CNTLN: variants seen among roughly 807,000 people sequenced by gnomAD.
The protein encoded by CNTLN is centlein, centrosomal protein.
In CNTLN, 212 loss-of-function variants were observed where a neutral mutation model predicts 180.0. That is an observed-to-expected ratio of 1.18 (90% CI 1.05 to 1.32). The LOEUF is 1.32. Among genes scored for constraint, CNTLN ranks in the 40% most tolerant of loss-of-function variants. The probability of loss-of-function intolerance (pLI) is 0.00; values close to 1 mark genes in which losing one functional copy is unlikely to be tolerated. For synonymous variants in CNTLN, 722 were observed against 563.1 expected, an observed-to-expected ratio of 1.28 and a Z score of -3.99; for missense variants, 2,095 against 1,610.9, an observed-to-expected ratio of 1.30 and a Z score of -5.14.
At chr9:17,428,093 C>T (rs1035989620) in intron 18 of CNTLN, among the ~76,000 whole-genome samples, 1 of 152,128 alleles carries the variant, frequency 6.6e-6, no homozygotes. Flanking sequence ...TTAGATCACC[C>T]TTGTTCAAGG....
Position 17,178,397 on chromosome 9 carries a change from C to T in CNTLN, c.449+35021C>T, listed in dbSNP as rs191535782. Among the ~76,000 whole-genome samples the T allele has an allele frequency of 1.6e-3, 251 of 152,338 alleles. 1 individual carries two copies. The highest frequency in any genetic ancestry group is 5.6e-3 in the African/African-American group (234 of 41,592). On this transcript the variant is annotated intron_variant, in intron 2 of 25. Coordinates refer to ENST00000380647, the MANE Select transcript of CNTLN (RefSeq NM_017738.4). ...CGCAGGTGGAGCTGCCTGCTAGTCC[C>T]GTGCCCTGTGCCCGCACTCCTCAGC...
chr9:17,191,948 TC>T (rs1055496643), intron 2 of CNTLN, among the ~76,000 whole-genome samples: 4 of 152,148 alleles, frequency 2.6e-5, no homozygotes, highest in African/African-American at 9.6e-5. Flanking sequence ...TGCTGATTGA[TC>T]CTTACAGGTG....
At chr9:17,316,634 T>G (rs192167848) in intron 8 of CNTLN, among the ~76,000 whole-genome samples, 7 of 152,250 alleles carry the variant, frequency 4.6e-5, no homozygotes, top group Admixed American at 3.9e-4. Context: ...CCATTTTAAG[T>G]CAAGGGCTGT....
the CNTLN span, among the ~76,000 whole-genome samples, chr9:17,526,407 C>A: frequency 6.6e-6 from 1 of 152,146 alleles, no homozygotes; most frequent in Non-Finnish European, 1.5e-5. Flanking sequence ...AAAAAACTGA[C>A]AAATTATAAA....
At chr9:17,198,424 TAATCAG>T (rs1554653589) in intron 2 of CNTLN, among the ~76,000 whole-genome samples, 1 of 150,242 alleles carries the variant, frequency 6.7e-6, no homozygotes, top group African/African-American at 2.4e-5. Flanking sequence ...TCAGTTTCTT[TAATCAG>T]TGTTCTATAG....
chr9:17,165,833 ATTC>A (rs1318939182), intron 2 of CNTLN, among the ~76,000 whole-genome samples: 1 of 152,194 alleles, frequency 6.6e-6, no homozygotes, highest in African/African-American at 2.4e-5. Context: ...AGACAAAATA[ATTC>A]TTCTCTGGAG....
intron 2 of CNTLN, among the ~76,000 whole-genome samples, chr9:17,144,512 T>G (rs1296962706): frequency 1.3e-5 from 2 of 152,136 alleles, no homozygotes; most frequent in African/African-American, 4.8e-5. Flanking sequence ...TTGTTATTTT[T>G]TAAAACTTTC....
chr9:17,398,107 G>A (rs376274932), intron 15 of CNTLN, among the ~76,000 whole-genome samples: 50 of 152,180 alleles, frequency 3.3e-4, no homozygotes, highest in African/African-American at 1.2e-3. Flanking sequence ...TAGTTGAATA[G>A]TATTTACAAG....
intron 5 of CNTLN, among the ~76,000 whole-genome samples, chr9:17,243,021 G>A (rs1465482743): frequency 2.0e-5 from 3 of 152,090 alleles, no homozygotes; most frequent in Non-Finnish European, 4.4e-5. Context: ...ACCTGTTATT[G>A]ATCTGTTCAG....
At chr9:17,496,816 C>G (rs1195286673) in intron 25 of CNTLN, among the ~76,000 whole-genome samples, 2 of 152,118 alleles carry the variant, frequency 1.3e-5, no homozygotes, top group Non-Finnish European at 2.9e-5. Flanking sequence ...CATGAAGGAG[C>G]ATACAAGGAA....
At chr9:17,520,606 C>T in the CNTLN span, among the ~76,000 whole-genome samples, 1 of 152,172 alleles carries the variant, frequency 6.6e-6, no homozygotes, top group African/African-American at 2.4e-5. Flanking sequence ...AAATGCAATC[C>T]AGCATAGTTA....
At chr9:17,334,725 A>G (rs1248913526) in intron 10 of CNTLN, among the ~76,000 whole-genome samples, 1 of 152,110 alleles carries the variant, frequency 6.6e-6, no homozygotes, top group South Asian at 2.1e-4. Context: ...CTGAGTACAC[A>G]TGGACATAAA....
chr9:17,457,526 G>A lies in CNTLN; in HGVS notation c.3117G>A (p.Lys1039=). The change falls in exon 19 of 26, where the codon AAG becomes AAA. Residue 1039 remains lysine, a splice_region_variant and synonymous_variant. Transcript: ENST00000380647. ...TATTTTCTTTTTTTAAAAAAAAGAA[G>A]CTAAATTTGGATTTGGCTGGGCTTC... ...RFQTSRQTIK[K]LNLDLAGLRK... 1.4e-6 allele frequency: 2 copies of A among 1,439,914 alleles called. No homozygotes were observed. The highest frequency in any genetic ancestry group is 1.8e-6 in the Non-Finnish European group (2 of 1,091,506). 89.2% of individuals were successfully genotyped at this position (1,439,914 alleles called of 1,614,324 possible). A position where few individuals can be genotyped will look rare whatever the true frequency, so the allele number is the denominator to read the frequency against.
At chr9:17,512,028 TG>T in the CNTLN span, among the ~76,000 whole-genome samples, 1 of 152,206 alleles carries the variant, frequency 6.6e-6, no homozygotes, top group African/African-American at 2.4e-5. Flanking sequence ...GGTGAAATTA[TG>T]GAGGTATTTA....
intron 5 of CNTLN, among the ~76,000 whole-genome samples, chr9:17,269,659 A>T (rs2104914): frequency 0.2 from 30,840 of 152,074 alleles, 3,928 homozygotes; most frequent in African/African-American, 0.36. Flanking sequence ...TATTTTAAAA[A>T]TTGTTGAGCC....
chr9:17,291,818 A>T (rs953594304), intron 6 of CNTLN, among the ~76,000 whole-genome samples: 2 of 152,114 alleles, frequency 1.3e-5, no homozygotes, highest in African/African-American at 4.8e-5. Flanking sequence ...TAAGGTTAAT[A>T]TTGTTGTCTG....
At chr9:17,318,693 T>A (rs1304021708) in intron 8 of CNTLN, among the ~76,000 whole-genome samples, 1 of 152,106 alleles carries the variant, frequency 6.6e-6, no homozygotes, top group African/African-American at 2.4e-5. Flanking sequence ...AGAGGAGAGA[T>A]GTGGAAGCCC....
intron 2 of CNTLN, among the ~76,000 whole-genome samples, chr9:17,205,478 C>T (rs770013790): frequency 7.2e-5 from 11 of 152,124 alleles, no homozygotes; most frequent in Admixed American, 2.0e-4. Flanking sequence ...AGTCGGACAC[C>T]GAACTCACCA....
chr9:17,161,058 T>A (rs1048930652), intron 2 of CNTLN, among the ~76,000 whole-genome samples: 16 of 152,170 alleles, frequency 1.1e-4, no homozygotes, highest in African/African-American at 3.4e-4. Context: ...ATATTCATAT[T>A]AATGTAATTA....
Sources: gnomAD v4.1 joint callset for allele counts (sites outside exome capture counted in the v4.1 genomes callset) on GRCh38, gnomAD v4.1.1 for gene constraint, MANE v1.5 for transcripts, NCBI Gene and HGNC (gene_info 2026-07-23, HGNC 2026-07-21) for gene names.